ZFX: variants seen among roughly 807,000 people sequenced by gnomAD.
ZFX encodes zinc finger protein X-linked.
For missense variants in ZFX, 362 were observed against 628.3 expected (o/e 0.58, Z 4.53); for synonymous variants, 196 against 226.8 (o/e 0.86, Z 1.22).
At chrX:24,158,036 G>A (rs1269825015) in intron 3 of ZFX, among the ~76,000 whole-genome samples, 1 of 111,283 alleles carries the variant, frequency 9.0e-6, no homozygotes, top group Non-Finnish European at 1.9e-5. Flanking sequence ...TAGGATTACA[G>A]GCATGAGCCA....
rs139461400 is a variant in ZFX, at chrX:24,156,138, C to T, written c.-29+3308C>T. On this transcript the variant is annotated intron_variant, in intron 3 of 9. Transcript: ENST00000304543. ...TCTCGAACTCCTGACCTCAAGTGAT[C>T]GGCCCTCCTTGGCCTCTGAAAGTGC... is the stretch of plus-strand genomic sequence containing the variant. 6.8e-3 allele frequency among the ~76,000 whole-genome samples: 758 copies of T among 112,072 alleles called. 3 individuals are homozygous for T. Among genetic ancestry groups the T allele is most frequent in the African/African-American group, 0.023 (719 of 30,849 alleles).
intron 5 of ZFX, among the ~76,000 whole-genome samples, 181 bp downstream of exon 5, chrX:24,179,951 G>T (rs1935526342): frequency 9.0e-6 from 1 of 111,708 alleles, no homozygotes; most frequent in Non-Finnish European, 1.9e-5. Flanking sequence ...AGTGAGGCCG[G>T]GTGTGGTGGC....
At chrX:24,204,590 CATTT>C (rs967953081) in intron 5 of ZFX, among the ~76,000 whole-genome samples, 13 of 112,161 alleles carry the variant, frequency 1.2e-4, no homozygotes, top group Non-Finnish European at 1.7e-4. Context: ...TGAGCACATT[CATTT>C]GTTTTTCACG....
intron 5 of ZFX, among the ~76,000 whole-genome samples, chrX:24,192,061 C>G (rs1325558126): frequency 8.9e-6 from 1 of 111,921 alleles, no homozygotes; most frequent in Non-Finnish European, 1.9e-5. Flanking sequence ...AATATCAAGT[C>G]TATCCTACAG....
At chrX:24,152,308 G>A (rs530524926) in intron 2 of ZFX, among the ~76,000 whole-genome samples, 8 of 109,682 alleles carry the variant, frequency 7.3e-5, no homozygotes, top group African/African-American at 2.7e-4. Context: ...GTTAATTTTT[G>A]TATTTTTAGT....
chrX:24,171,903 AAGG>A (rs1485446421), intron 3 of ZFX, among the ~76,000 whole-genome samples: 1 of 59,551 alleles, frequency 1.7e-5, no homozygotes, highest in Non-Finnish European at 2.9e-5. Context: ...ACAGAGAGAG[AAGG>A]AGAGAGAGAG....
intron 5 of ZFX, among the ~76,000 whole-genome samples, chrX:24,186,579 T>C (rs1032621649): frequency 9.0e-6 from 1 of 110,570 alleles, no homozygotes; most frequent in Admixed American, 9.7e-5. Context: ...GCTGTAATCA[T>C]ACCATTGTAC....
rs375343043 is a variant in ZFX at position 24,202,407 on chromosome X, C to T, written c.647-4919C>T. 5.8e-4 allele frequency among the ~76,000 whole-genome samples: 65 copies of T among 111,874 alleles called. 1 individual carries two copies. In the East Asian group the frequency reaches 8.4e-3, roughly 14 times the overall value. On this transcript the variant is annotated intron_variant, in intron 5 of 9. Coordinates refer to ENST00000304543, the MANE Select transcript of ZFX (RefSeq NM_003410.4). ...AAGAAATTCACATGTTCCATTGACT[C>T]CTCAGCCCACTCTAGTCTGACCCCC...
chrX:24,155,615 A>G, intron 3 of ZFX, among the ~76,000 whole-genome samples: 1 of 112,243 alleles, frequency 8.9e-6, no homozygotes, highest in Non-Finnish European at 1.9e-5. Flanking sequence ...AATTGCCAAA[A>G]TGGCAAATTG....
chrX:24,163,833 AAAAAAAG>A lies in ZFX; in HGVS notation c.-28-8875_-28-8869del, dbSNP rs1317047019. Among the ~76,000 whole-genome samples, 270 of 71,868 alleles carry A rather than the reference AAAAAAAG, an allele frequency of 3.8e-3. 2 individuals carry two copies. Among genetic ancestry groups the A allele is most frequent in the African/African-American group, 0.014 (257 of 18,260 alleles). The allele number at this position is 71,868 out of a possible 115,157, so 62.4% of individuals were successfully genotyped here. ...CACTGTGCCCAGGCCCCCTCTTTTA[AAAAAAAG>A]AAAAAAAAAAAAAAAAAAATTCATT... On this transcript the variant is annotated intron_variant, in intron 3 of 9. Transcript: ENST00000304543.
At chrX:24,165,340 C>T (rs1051376862) in intron 3 of ZFX, among the ~76,000 whole-genome samples, 4 of 112,114 alleles carry the variant, frequency 3.6e-5, no homozygotes, top group African/African-American at 6.5e-5. Context: ...AGGATGTTCT[C>T]GATCTCCTGA....
intron 5 of ZFX, among the ~76,000 whole-genome samples, chrX:24,201,190 C>G (rs1484714165): frequency 9.0e-6 from 1 of 111,141 alleles, no homozygotes; most frequent in Non-Finnish European, 1.9e-5. Flanking sequence ...TGTAACATTT[C>G]ATATTCAGAA....
chrX:24,194,000 C>A (rs1213663048), intron 5 of ZFX, among the ~76,000 whole-genome samples: 1 of 111,350 alleles, frequency 9.0e-6, no homozygotes, highest in African/African-American at 3.3e-5. Context: ...GGCAGCCACC[C>A]TTTTACTTTC....
At chrX:24,199,786 G>A (rs1000661100) in intron 5 of ZFX, among the ~76,000 whole-genome samples, 17 of 109,714 alleles carry the variant, frequency 1.5e-4, no homozygotes, top group Non-Finnish European at 2.5e-4. Context: ...GTGTGGTGGC[G>A]CACGCCTATA....
chrX:24,195,694 C>G (rs952663199), intron 5 of ZFX, among the ~76,000 whole-genome samples: 2 of 111,070 alleles, frequency 1.8e-5, no homozygotes, highest in Non-Finnish European at 3.8e-5. Flanking sequence ...AGACGTTTCA[C>G]GATGTTTTGC....
At chrX:24,173,686 A>G in intron 4 of ZFX, 1 of 652,199 alleles carries the variant, frequency 1.5e-6, no homozygotes, top group East Asian at 3.5e-5. Context: ...CCCAGGCTCA[A>G]GTGATCTGCT....
At chrX:24,209,981 A>C (rs977332615) in intron 9 of ZFX, among the ~76,000 whole-genome samples, 1 of 112,164 alleles carries the variant, frequency 8.9e-6, no homozygotes, top group Non-Finnish European at 1.9e-5. Context: ...AAGGCGGTAC[A>C]GTCTTCATGA....
intron 5 of ZFX, among the ~76,000 whole-genome samples, chrX:24,205,198 C>T (rs924205607): frequency 8.9e-6 from 1 of 112,257 alleles, no homozygotes; most frequent in Non-Finnish European, 1.9e-5. Context: ...CGGTCCTGCT[C>T]CCCTCTAGTT....
At chrX:24,169,335 A>G (rs1306646376) in intron 3 of ZFX, among the ~76,000 whole-genome samples, 1 of 111,580 alleles carries the variant, frequency 9.0e-6, no homozygotes, top group Non-Finnish European at 1.9e-5. Context: ...TTAATACTGC[A>G]GAGCCTTTGA....
Sources: gnomAD v4.1 joint callset for allele counts (sites outside exome capture counted in the v4.1 genomes callset) on GRCh38, gnomAD v4.1.1 for gene constraint, MANE v1.5 for transcripts, NCBI Gene and HGNC (gene_info 2026-07-23, HGNC 2026-07-21) for gene names.